Variants in NCOA2 observed in about 807,000 individuals in gnomAD.
NCOA2 encodes the protein nuclear receptor coactivator 2.
NCOA2 carries 21 observed loss-of-function variants against 145.1 expected under a neutral mutation model. The observed-to-expected ratio is 0.14, with a 90% confidence interval of 0.10 to 0.21. The LOEUF (loss-of-function observed/expected upper bound fraction) is 0.21, where lower values mean the gene tolerates loss of function less well. Ranked by LOEUF, NCOA2 falls within the 10% of genes least tolerant of loss-of-function variation. The pLI, the probability that NCOA2 is intolerant of heterozygous loss-of-function variation, is 1.00. For missense variants in NCOA2, 1,472 were observed against 1,837.6 expected (o/e 0.80, Z 3.64); for synonymous variants, 619 against 637.5 (o/e 0.97, Z 0.44).
At chr8:70,141,668 G>A (rs797012377) in intron 13 of NCOA2, among the ~76,000 whole-genome samples, 18 of 152,292 alleles carry the variant, frequency 1.2e-4, no homozygotes, top group African/African-American at 4.3e-4. Flanking sequence ...AACAGGTGCC[G>A]TGGCGTGTGG....
At chr8:70,403,137 CCCACTCTCCGCTGCAGCCGCTCCGCGCTT>C (rs1692942126) in intron 1 of NCOA2, among the ~76,000 whole-genome samples, 1 of 151,066 alleles carries the variant, frequency 6.6e-6, no homozygotes, top group African/African-American at 2.4e-5. Context: ...TCGCCCGGCT[CCCACTCTCCGCTGCAGCCGCTCCGCGCTT>C]CCATTAAAGA....
At chr8:70,430,578 C>A in the NCOA2 span, among the ~76,000 whole-genome samples, 3 of 152,302 alleles carry the variant, frequency 2.0e-5, no homozygotes, top group Non-Finnish European at 4.4e-5. Flanking sequence ...CCCTCTACCC[C>A]CTTTCTTTGG....
intron 1 of NCOA2, among the ~76,000 whole-genome samples, chr8:70,329,416 T>A (rs1421815337): frequency 1.3e-5 from 2 of 152,158 alleles, no homozygotes; most frequent in Non-Finnish European, 2.9e-5. Flanking sequence ...TGACCTTTTT[T>A]ATTTTTTAAT....
chr8:70,128,142 A>C (rs986407053), intron 18 of NCOA2, among the ~76,000 whole-genome samples: 1 of 152,216 alleles, frequency 6.6e-6, no homozygotes, highest in Non-Finnish European at 1.5e-5. Flanking sequence ...CAGGAACCCA[A>C]CCCTGTATTC....
upstream of NCOA2, among the ~76,000 whole-genome samples, chr8:70,407,068 T>C (rs1331870540): frequency 6.6e-6 from 1 of 152,250 alleles, no homozygotes; most frequent in Non-Finnish European, 1.5e-5. Flanking sequence ...GGGAATATTA[T>C]TATGTCAGCT....
At chr8:70,392,875 T>C (rs1399365235) in intron 1 of NCOA2, among the ~76,000 whole-genome samples, 2 of 152,242 alleles carry the variant, frequency 1.3e-5, no homozygotes, top group South Asian at 2.1e-4. Flanking sequence ...TTCTTTATTG[T>C]TTCTGATTTG....
chr8:70,123,932 T>C lies in NCOA2; in HGVS notation c.4245A>G (p.Ser1415=). The C allele has an allele frequency of 6.2e-7, 1 of 1,613,922 alleles. No homozygotes were observed. The highest frequency in any genetic ancestry group is 8.5e-7 in the Non-Finnish European group (1 of 1,179,818). The change falls in exon 21 of 23, where the codon TCA becomes TCG. Residue 1415 remains serine (S), a synonymous_variant. Coordinates refer to ENST00000452400, the MANE Select transcript of NCOA2 (RefSeq NM_006540.4). ...NQMTGQISMT[S]VTSVPTSGLS... ...GCCCTGACGTAGGCACGGAGGTCAC[T>C]GAGGTCATGCTGATCTGTCCTGTCA... is the stretch of plus-strand genomic sequence containing the variant.
chr8:70,440,529 C>T, the NCOA2 span, among the ~76,000 whole-genome samples: 1 of 151,562 alleles, frequency 6.6e-6, no homozygotes, highest in Non-Finnish European at 1.5e-5. Context: ...GGCCGAGATG[C>T]GCCACTGCAC....
chr8:70,175,571 A>C (rs1814738003), intron 4 of NCOA2, among the ~76,000 whole-genome samples: 1 of 152,260 alleles, frequency 6.6e-6, no homozygotes, highest in Admixed American at 6.5e-5. Flanking sequence ...AGGCCCCGGA[A>C]GACATTTCTT....
At chr8:70,332,955 A>T (rs1194015352) in intron 1 of NCOA2, among the ~76,000 whole-genome samples, 1 of 152,232 alleles carries the variant, frequency 6.6e-6, no homozygotes, top group East Asian at 1.9e-4. Flanking sequence ...TTACCAGATT[A>T]GGCCTGAAAG....
At chr8:70,122,259 A>G (rs1421395805) in intron 21 of NCOA2, among the ~76,000 whole-genome samples, 1 of 152,102 alleles carries the variant, frequency 6.6e-6, no homozygotes, top group Non-Finnish European at 1.5e-5. Context: ...ACACACGCAT[A>G]TATTTTAAGA....
chr8:70,440,900 A>G, the NCOA2 span, among the ~76,000 whole-genome samples: 1 of 151,616 alleles, frequency 6.6e-6, no homozygotes, highest in Non-Finnish European at 1.5e-5. Context: ...GGCCCCTGAG[A>G]GAATCTGCAT....
chr8:70,184,145 G>A (rs1815786155), intron 4 of NCOA2, among the ~76,000 whole-genome samples: 1 of 152,170 alleles, frequency 6.6e-6, no homozygotes, highest in Non-Finnish European at 1.5e-5. Flanking sequence ...AGGGCATCAA[G>A]AATAATAGCT....
At position 70,128,472 on chromosome 8, in the gene NCOA2, G is replaced by T; in HGVS notation, c.3642C>A (p.Ser1214=). The T allele has an allele frequency of 6.2e-7, 1 of 1,612,950 alleles. No individual in the cohort carries two copies. Among genetic ancestry groups the T allele is most frequent in the Non-Finnish European group, 8.5e-7 (1 of 1,179,500 alleles). The change falls in exon 18 of 23, where the codon TCC becomes TCA. Residue 1214 remains serine (S), a synonymous_variant. Transcript: ENST00000452400. ...CAGGCCTCAGAGTCAAGTTCACATT[G>T]GAAACATTGCTGATTTGATTCATAA... The part of the protein sequence containing the change: ...QPLMNQISNV[S]NVNLTLRPGV...
chr8:70,319,593 A>G (rs1271119727), intron 1 of NCOA2, among the ~76,000 whole-genome samples: 1 of 151,348 alleles, frequency 6.6e-6, no homozygotes, highest in Non-Finnish European at 1.5e-5. Context: ...CTGGCTTTTA[A>G]AAAGTGATGC....
chr8:70,412,627 AACAGAGCACT>A, the NCOA2 span, among the ~76,000 whole-genome samples: 1 of 142,616 alleles, frequency 7.0e-6, no homozygotes, highest in Non-Finnish European at 1.5e-5. Context: ...CAGCCTGGGC[AACAGAGCACT>A]ACTTCGTCTC....
chr8:70,221,520 T>C (rs1163370562), intron 2 of NCOA2, among the ~76,000 whole-genome samples: 1 of 152,162 alleles, frequency 6.6e-6, no homozygotes, highest in African/African-American at 2.4e-5. Context: ...CAAAATGTGC[T>C]TTTTGGATGT....
chr8:70,156,944 C>T lies in NCOA2; in HGVS notation c.1421G>A (p.Ser474Asn). 1 of 1,614,040 alleles carries T rather than the reference C, an allele frequency of 6.2e-7. No homozygotes were observed. The highest frequency in any genetic ancestry group is 8.5e-7 in the Non-Finnish European group (1 of 1,179,890). ...GGGCTGTCCTGGATTCATGCCAGGG[C>T]TGCTTTGTGAGGGGCTGTTCATTTT... is the stretch of plus-strand genomic sequence containing the variant. ...ALKMNSPSQS[S>N]PGMNPGQPTS... is the part of the protein sequence containing the mutation. The change falls in exon 11 of 23, where the codon AGC becomes AAC. Residue 474 changes from serine (S) to asparagine (N), a missense_variant. Ser to Asn is a conservative substitution (Grantham distance 46, BLOSUM62 1). This residue lies in a region of NCOA2 where 953 missense variants were observed against 1,062.1 expected (regional missense o/e 0.90). Coordinates refer to ENST00000452400, the MANE Select transcript of NCOA2 (RefSeq NM_006540.4).
intron 2 of NCOA2, among the ~76,000 whole-genome samples, chr8:70,268,361 T>C (rs1402681340): frequency 6.6e-6 from 1 of 152,210 alleles, no homozygotes; most frequent in Non-Finnish European, 1.5e-5. Context: ...GGGCTCCTCA[T>C]GTACCCTCTA....
Sources: gnomAD v4.1 joint callset for allele counts (sites outside exome capture counted in the v4.1 genomes callset) on GRCh38, gnomAD v4.1.1 for gene constraint, gnomAD v4.1.1 regional missense constraint, MANE v1.5 for transcripts, NCBI Gene and HGNC (gene_info 2026-07-23, HGNC 2026-07-21) for gene names.